IFT88: variants seen among roughly 807,000 people sequenced by gnomAD.
The protein encoded by IFT88 is intraflagellar transport protein 88 homolog.
IFT88 carries 74 observed loss-of-function variants against 119.5 expected under a neutral mutation model. The observed-to-expected ratio is 0.62, with a 90% CI of 0.51 to 0.75. The LOEUF is 0.75. IFT88 is among the 30% of genes least tolerant of loss of function. The pLI is 0.00. For missense variants in IFT88, 961 were observed against 977.7 expected, an observed-to-expected ratio of 0.98 and a Z score of 0.23; for synonymous variants, 279 against 316.7, an observed-to-expected ratio of 0.88 and a Z score of 1.26.
chr13:20,640,799 A>G (rs1276103355), intron 17 of IFT88, among the ~76,000 whole-genome samples: 4 of 151,940 alleles, frequency 2.6e-5, no homozygotes, highest in Non-Finnish European at 4.4e-5. Flanking sequence ...GCTTTGTAGC[A>G]TCTTTTGGTG....
At chr13:20,586,928 C>A (rs1211400338) in intron 3 of IFT88, among the ~76,000 whole-genome samples, 2 of 151,798 alleles carry the variant, frequency 1.3e-5, no homozygotes, top group African/African-American at 2.4e-5. Context: ...CCTCTAATTA[C>A]ATTTTCCTTA....
chr13:20,607,151 G>A, intron 13 of IFT88: 3 of 409,414 alleles, frequency 7.3e-6, no homozygotes, highest in Non-Finnish European at 1.5e-5. Flanking sequence ...CCACATCCTG[G>A]TACTGTACGT....
At chr13:20,649,683 G>A (rs954485176) in intron 20 of IFT88, among the ~76,000 whole-genome samples, 1 of 151,882 alleles carries the variant, frequency 6.6e-6, no homozygotes, top group East Asian at 1.9e-4. Context: ...TAGAAAAGCT[G>A]TAGAGAAAAT....
chr13:20,592,915 T>C (rs982851079), intron 7 of IFT88, among the ~76,000 whole-genome samples: 1 of 151,396 alleles, frequency 6.6e-6, no homozygotes, highest in African/African-American at 2.5e-5. Flanking sequence ...ACTAACAAAA[T>C]TAAGAATAGC....
intron 24 of IFT88, among the ~76,000 whole-genome samples, chr13:20,679,309 C>T (rs2141136406): frequency 6.6e-6 from 1 of 152,270 alleles, no homozygotes; most frequent in Non-Finnish European, 1.5e-5. Flanking sequence ...AATTTTTCTG[C>T]CAATTATTTA....
At chr13:20,663,147 T>G (rs1395120592) in intron 22 of IFT88, 1 of 748,270 alleles carries the variant, frequency 1.3e-6, no homozygotes, top group African/African-American at 1.8e-5. Context: ...CTTTTTAGCC[T>G]AGTCTCTCTT....
intron 22 of IFT88, chr13:20,663,244 T>C (rs1320237552): frequency 1.4e-6 from 2 of 1,436,318 alleles, no homozygotes; most frequent in East Asian, 3.2e-5. Flanking sequence ...AGCAGTGTCC[T>C]GTGCCATGTT....
At chr13:20,607,854 C>G (rs1323458929) in intron 13 of IFT88, 7 of 722,380 alleles carry the variant, frequency 9.7e-6, no homozygotes, top group Middle Eastern at 5.1e-4. Context: ...TGTCCCTGAT[C>G]ATGCTGCCCA....
At chr13:20,622,763 C>A (rs1232504671) in intron 14 of IFT88, among the ~76,000 whole-genome samples, 1 of 152,020 alleles carries the variant, frequency 6.6e-6, no homozygotes, top group East Asian at 1.9e-4. Flanking sequence ...AATATTTTCT[C>A]CCATTCTGTG....
At chr13:20,643,083 A>G (rs943148523) in intron 18 of IFT88, among the ~76,000 whole-genome samples, 10 of 152,136 alleles carry the variant, frequency 6.6e-5, no homozygotes, top group African/African-American at 1.9e-4. Flanking sequence ...CTCACAGGAA[A>G]AACACATGGA....
At chr13:20,580,383 G>A (rs1401944033) in intron 2 of IFT88, among the ~76,000 whole-genome samples, 1 of 152,056 alleles carries the variant, frequency 6.6e-6, no homozygotes, top group Admixed American at 6.6e-5. Context: ...CAGCCGTGGT[G>A]GCGGGCACCT....
chr13:20,588,127 T>C (rs532554049), intron 3 of IFT88, among the ~76,000 whole-genome samples: 6 of 152,072 alleles, frequency 3.9e-5, no homozygotes, highest in African/African-American at 9.6e-5. Flanking sequence ...ACTATTCTTT[T>C]AGTGTTTCCC....
chr13:20,591,969 G>A (rs2149770), intron 6 of IFT88, among the ~76,000 whole-genome samples: 140,010 of 152,218 alleles, frequency 0.92, 64,487 homozygotes, highest in East Asian at 1. Context: ...ATTAATGTTT[G>A]GTATGCCAAT....
chr13:20,612,879 G>A (rs2044827834), intron 13 of IFT88, among the ~76,000 whole-genome samples: 1 of 152,206 alleles, frequency 6.6e-6, no homozygotes, highest in Non-Finnish European at 1.5e-5. Context: ...GCTGGGAAAA[G>A]TGGATATTCT....
intron 13 of IFT88, among the ~76,000 whole-genome samples, chr13:20,605,672 C>A (rs1317658028): frequency 1.3e-5 from 2 of 152,188 alleles, no homozygotes; most frequent in African/African-American, 4.8e-5. Flanking sequence ...CTACCCTGTT[C>A]CTCACTACAG....
intron 17 of IFT88, among the ~76,000 whole-genome samples, chr13:20,638,771 A>G (rs761483782): frequency 1.3e-5 from 2 of 152,244 alleles, no homozygotes; most frequent in Admixed American, 6.5e-5. Flanking sequence ...ATCACAGTGT[A>G]TAATACTAAT....
Position 20,644,920 on chromosome 13 carries a change from A to C in IFT88, c.1911A>C (p.Glu637Asp), listed in dbSNP as rs1391613918. 6.2e-7 allele frequency: 1 copy of C among 1,601,470 alleles called. No individual in the cohort carries two copies. Among genetic ancestry groups the C allele is most frequent in the South Asian group, 1.1e-5 (1 of 90,048 alleles). ...GAYYIDTQFW[E>D]KAIQYFERAS... ...ATTACATTGACACCCAATTTTGGGAAAAAGCTATTCAGTACTTTGAAAGAG... is the reference window on the plus strand; with the variant it reads ...ATTACATTGACACCCAATTTTGGGACAAAGCTATTCAGTACTTTGAAAGAG... The change falls in exon 20 of 26, where the codon GAA (glutamate) becomes GAC (aspartate). Residue 637 changes from glutamate (E) to aspartate (D), a missense_variant. Glu to Asp is a conservative substitution (Grantham distance 45). Transcript: ENST00000351808.
intron 2 of IFT88, among the ~76,000 whole-genome samples, chr13:20,579,331 TCTG>T: frequency 6.6e-6 from 1 of 152,054 alleles, no homozygotes; most frequent in East Asian, 1.9e-4. Context: ...GCTCTATTCT[TCTG>T]CTGCTGCTGA....
intron 3 of IFT88, among the ~76,000 whole-genome samples, chr13:20,585,297 G>T (rs547309003): frequency 1.3e-5 from 2 of 152,252 alleles, no homozygotes; most frequent in African/African-American, 4.8e-5. Context: ...AAGACTCAAA[G>T]AACTCACTGA....
Sources: gnomAD v4.1 joint callset for allele counts (sites outside exome capture counted in the v4.1 genomes callset) on GRCh38, gnomAD v4.1.1 for gene constraint, MANE v1.5 for transcripts, NCBI Gene and HGNC (gene_info 2026-07-23, HGNC 2026-07-21) for gene names.